Variants in ARPP21 observed in about 807,000 individuals in gnomAD.
The protein encoded by ARPP21 is cAMP regulated phosphoprotein 21.
In ARPP21, 69 loss-of-function variants were observed where a neutral mutation model predicts 113.2. The ratio of observed to expected loss-of-function variants is 0.61; its 90% CI spans 0.50 to 0.74. ARPP21 has a LOEUF of 0.74. Ranked by LOEUF, ARPP21 falls within the 30% of genes least tolerant of loss-of-function variation. The pLI is 0.00. For synonymous variants in ARPP21, 368 were observed against 375.5 expected (o/e 0.98, Z 0.23); for missense variants, 1,070 against 1,037.4 (o/e 1.03, Z -0.43).
chr3:35,685,656 A>G, intron 5 of ARPP21: 2 of 985,002 alleles, frequency 2.0e-6, no homozygotes, highest in Non-Finnish European at 2.4e-6. Context: ...TGCTACCTGT[A>G]TTACTTGATC....
rs1168999649 is a variant in ARPP21, at chr3:35,762,124, TCTCACA to T, written c.2137+18161_2137+18166del. Among the ~76,000 whole-genome samples, 284 of 141,234 alleles carry T rather than the reference TCTCACA, an allele frequency of 2.0e-3. 2 individuals are homozygous for T. The highest frequency in any genetic ancestry group is 3.3e-3 in the Non-Finnish European group (213 of 64,064). 92.7% of individuals were successfully genotyped at this position (141,234 alleles called of 152,430 possible). A position where few individuals can be genotyped will look rare whatever the true frequency, so the allele number is the denominator to read the frequency against. On this transcript the variant is annotated intron_variant, in intron 19 of 20. Transcript: ENST00000684406. ...CTCTCTCTCTCTCTCTCTCTCTCTCTCTCACACACACACACACACACACACACACAC... is the reference window on the plus strand; with the variant it reads ...CTCTCTCTCTCTCTCTCTCTCTCTCTCACACACACACACACACACACACAC...
At chr3:35,766,203 A>G (rs994322701) in intron 19 of ARPP21, among the ~76,000 whole-genome samples, 1 of 152,152 alleles carries the variant, frequency 6.6e-6, no homozygotes, top group African/African-American at 2.4e-5. Context: ...CAAAATGGGA[A>G]TTTTGAATTC....
intron 19 of ARPP21, among the ~76,000 whole-genome samples, chr3:35,766,470 G>T (rs1278384745): frequency 6.6e-6 from 1 of 152,194 alleles, no homozygotes; most frequent in African/African-American, 2.4e-5. Context: ...GCCTGCCCTA[G>T]ATGCCACTGT....
intron 9 of ARPP21, among the ~76,000 whole-genome samples, chr3:35,698,010 T>G (rs1481110686): frequency 2.0e-5 from 3 of 151,598 alleles, no homozygotes; most frequent in Admixed American, 2.0e-4. Context: ...TTTCTAAACA[T>G]GGTAAATTTA....
intron 8 of ARPP21, among the ~76,000 whole-genome samples, chr3:35,690,546 T>G (rs942341075): frequency 3.3e-5 from 5 of 151,620 alleles, no homozygotes; most frequent in Non-Finnish European, 7.4e-5. Flanking sequence ...TCACGTATTA[T>G]GTCACATCAT....
intron 19 of ARPP21, among the ~76,000 whole-genome samples, chr3:35,757,168 C>A (rs2095602520): frequency 6.7e-6 from 1 of 150,190 alleles, no homozygotes; most frequent in Non-Finnish European, 1.5e-5. Flanking sequence ...CTCAAATAAG[C>A]CTCCTACCTT....
chr3:35,682,723 C>A, intron 3 of ARPP21, 125 bp from the exon 4 acceptor site: 1 of 769,822 alleles, frequency 1.3e-6, no homozygotes, highest in Non-Finnish European at 2.0e-6. Context: ...TTATTATTGA[C>A]TTCTCTACTG....
intron 1 of ARPP21, among the ~76,000 whole-genome samples, chr3:35,672,950 G>C (rs568054271): frequency 7.9e-5 from 12 of 152,164 alleles, no homozygotes; most frequent in African/African-American, 2.9e-4. Flanking sequence ...CTCAGTAAAA[G>C]GTAGTTGTAA....
chr3:35,736,044 A>C (rs1218667635), intron 15 of ARPP21, among the ~76,000 whole-genome samples: 1 of 152,154 alleles, frequency 6.6e-6, no homozygotes, highest in Non-Finnish European at 1.5e-5. Context: ...AATTCACTTC[A>C]GTTATTTGGC....
intron 20 of ARPP21, among the ~76,000 whole-genome samples, chr3:35,793,262 C>T (rs1577109312): frequency 1.3e-5 from 2 of 152,254 alleles, no homozygotes; most frequent in South Asian, 2.1e-4. Flanking sequence ...AGGACAAAAG[C>T]CCTTTTCACT....
chr3:35,703,386 TGAA>T (rs2087298155), intron 9 of ARPP21, among the ~76,000 whole-genome samples: 1 of 151,878 alleles, frequency 6.6e-6, no homozygotes, highest in Admixed American at 6.6e-5. Context: ...GAAGGAACAA[TGAA>T]GAATTAATTC....
At position 35,792,388 on chromosome 3, in the gene ARPP21, A is replaced by G; in HGVS notation, c.2144A>G (p.Gln715Arg). 1 of 1,613,982 alleles carries G rather than the reference A, an allele frequency of 6.2e-7. No individual in the cohort carries two copies. The highest frequency in any genetic ancestry group is 1.1e-5 in the South Asian group (1 of 91,078). ...AGATCTCTTTTCTTCGCAGGTTACC[A>G]GCCAGTCTTGTCTGGTCAACAGGGA... ...MPQAAQQAGY[Q>R]PVLSGQQGFQ... is the part of the protein sequence containing the mutation. The change falls in exon 20 of 21, where the codon CAG becomes CGG. Residue 715 changes from glutamine (Q) to arginine (R), a missense_variant. Transcript: ENST00000684406.
intron 19 of ARPP21, among the ~76,000 whole-genome samples, chr3:35,772,262 C>A (rs993199425): frequency 1.3e-5 from 2 of 152,096 alleles, no homozygotes; most frequent in Non-Finnish European, 2.9e-5. Flanking sequence ...CAAACATCTT[C>A]CAGAGCTGAA....
chr3:35,649,939 T>C (rs748818976), intron 1 of ARPP21, among the ~76,000 whole-genome samples: 24 of 152,166 alleles, frequency 1.6e-4, no homozygotes, highest in Non-Finnish European at 2.6e-4. Flanking sequence ...GCTTTCTTAA[T>C]TTGTTTCCAA....
intron 19 of ARPP21, among the ~76,000 whole-genome samples, chr3:35,757,373 A>G (rs1230707348): frequency 6.6e-6 from 1 of 152,058 alleles, no homozygotes; most frequent in Non-Finnish European, 1.5e-5. Flanking sequence ...CCCTTCAATG[A>G]ATCTTGATGA....
intron 5 of ARPP21, among the ~76,000 whole-genome samples, chr3:35,687,350 TATAGA>T (rs1421992608): frequency 1.3e-4 from 20 of 151,176 alleles, no homozygotes; most frequent in Non-Finnish European, 1.9e-4. Flanking sequence ...TATAAGGAAT[TATAGA>T]ATAGAACTAC....
At chr3:35,664,764 G>T (rs777195756) in intron 1 of ARPP21, among the ~76,000 whole-genome samples, 4 of 152,182 alleles carry the variant, frequency 2.6e-5, no homozygotes, top group Non-Finnish European at 5.9e-5. Context: ...GTAAGTGCCT[G>T]GAGGAGGCAG....
chr3:35,677,176 T>A (rs754701157), intron 1 of ARPP21, among the ~76,000 whole-genome samples: 7 of 151,982 alleles, frequency 4.6e-5, no homozygotes, highest in Non-Finnish European at 8.8e-5. Context: ...AATTTACCTT[T>A]AATTTCCCTT....
rs370524248 is a variant in ARPP21, at chr3:35,689,396, A to C, written c.485+11A>C. 1.6e-5 allele frequency: 20 copies of C among 1,264,380 alleles called. No individual in the cohort carries two copies. In the African/African-American group the frequency reaches 2.5e-4, roughly 16 times the overall value. 78.3% of individuals were successfully genotyped at this position (1,264,380 alleles called of 1,614,324 possible). On this transcript the variant is annotated intron_variant, in intron 7 of 20. Transcript: ENST00000684406. ...AAAGAATAATTCCAGGTAAATTATT[A>C]AATGAGCCTCTTATTTTTAGAAGGA...
Sources: allele counts gnomAD v4.1 joint callset (sites outside exome capture counted in the v4.1 genomes callset), GRCh38; gene constraint gnomAD v4.1.1; transcripts MANE v1.5; gene names NCBI Gene and HGNC (gene_info 2026-07-23, HGNC 2026-07-21).